BOC: variants seen among roughly 807,000 people sequenced by gnomAD.
BOC encodes brother of CDO.
BOC carries 76 observed loss-of-function variants against 112.0 expected under a neutral mutation model. The observed-to-expected ratio is 0.68, with a 90% confidence interval of 0.56 to 0.82. The LOEUF is 0.82. Among genes scored for constraint, BOC ranks in the 40% least tolerant of loss-of-function variants. The probability of loss-of-function intolerance (pLI) is 0.00; values close to 1 mark genes in which losing one functional copy is unlikely to be tolerated. For missense variants in BOC, 1,309 were observed against 1,511.7 expected (o/e 0.87, Z 2.22); for synonymous variants, 580 against 599.8 (o/e 0.97, Z 0.48).
rs1014928972 is a variant in BOC at position 113,280,067 on chromosome 3, G to A, written c.2205+62G>A. The A allele has an allele frequency of 1.1e-5, 16 of 1,496,802 alleles. No homozygotes were observed. In the African/African-American group the frequency reaches 1.8e-4, roughly 17 times the overall value. 92.7% of individuals were successfully genotyped at this position (1,496,802 alleles called of 1,614,324 possible). The stretch of plus-strand genomic sequence containing the variant: ...GCCTCCCCTAAATGCCCTTCCCTGT[G>A]AGCCTGGGGATTAGACTCCCCCGAA... On this transcript the variant is annotated intron_variant, in intron 13 of 19. Coordinates refer to ENST00000682979, the MANE Select transcript of BOC (RefSeq NM_001378074.1).
In BOC at chr3:113,274,302, C is replaced by A; in HGVS notation, c.1235-73C>A. ...TGCCTCTCTGTCTTCTTTCTGTTTT[C>A]TCCCCAGGAACAACAGCTCAGCAGG... On this transcript the variant is annotated intron_variant, in intron 8 of 19. Transcript: ENST00000682979. The surrounding 1 kb of genome is among the most constrained non-coding windows in gnomAD (Gnocchi z 4.8). 2 of 1,402,692 alleles carry A rather than the reference C, an allele frequency of 1.4e-6. No homozygotes were observed. The highest frequency in any genetic ancestry group is 1.9e-6 in the Non-Finnish European group (2 of 1,059,012). 86.9% of individuals were successfully genotyped at this position (1,402,692 alleles called of 1,614,324 possible). A position where few individuals can be genotyped will look rare whatever the true frequency, so the allele number is the denominator to read the frequency against.
chr3:113,237,559 G>C (rs1201094089), intron 2 of BOC, among the ~76,000 whole-genome samples: 2 of 152,182 alleles, frequency 1.3e-5, no homozygotes, highest in Non-Finnish European at 2.9e-5. Flanking sequence ...AAGATGAGAT[G>C]AGAAGGAAAA....
At chr3:113,284,590 C>T (rs752924332) in intron 17 of BOC, 23 bp downstream of exon 17, 24 of 1,597,092 alleles carry the variant, frequency 1.5e-5, no homozygotes, top group Middle Eastern at 1.7e-4. Flanking sequence ...TGGGTGTGGG[C>T]GGCAGGTATG....
intron 9 of BOC, among the ~76,000 whole-genome samples, chr3:113,276,385 A>C (rs1334818332): frequency 6.6e-6 from 1 of 151,812 alleles, no homozygotes; most frequent in Non-Finnish European, 1.5e-5. Flanking sequence ...GTGTGAGGCC[A>C]GTGCTGGGAG....
intron 4 of BOC, among the ~76,000 whole-genome samples, chr3:113,257,437 G>T (rs988568976): frequency 2.6e-5 from 4 of 152,088 alleles, no homozygotes; most frequent in Admixed American, 6.5e-5. Flanking sequence ...GATTCTCTTT[G>T]GCCACAGGTG....
intron 2 of BOC, among the ~76,000 whole-genome samples, chr3:113,222,258 A>G (rs546933168): frequency 6.6e-6 from 1 of 151,870 alleles, no homozygotes; most frequent in Admixed American, 6.6e-5. Flanking sequence ...CTAAAATAGA[A>G]CCGGGTTGGT....
chr3:113,272,505 A>G lies in BOC; in HGVS notation c.763A>G (p.Ser255Gly). 1 of 1,614,096 alleles carries G rather than the reference A, an allele frequency of 6.2e-7. No homozygotes were observed. The highest frequency in any genetic ancestry group is 8.5e-7 in the Non-Finnish European group (1 of 1,180,026). The change falls in exon 7 of 20, where the codon AGT becomes GGT. Residue 255 changes from serine (S) to glycine (G), a missense_variant. Coordinates refer to ENST00000682979, the MANE Select transcript of BOC (RefSeq NM_001378074.1). The stretch of plus-strand genomic sequence containing the variant: ...GAGTCTCATTCTGGAGTGTGTGGCC[A>G]GTGGAATCCCACCCCCACGGGTCAC... ...GQSLILECVASGIPPPRVTWA... is the reference protein window; with the variant it reads ...GQSLILECVAGGIPPPRVTWA...
At chr3:113,220,003 A>G (rs1940279382) in intron 2 of BOC, among the ~76,000 whole-genome samples, 1 of 151,344 alleles carries the variant, frequency 6.6e-6, no homozygotes, top group Admixed American at 6.6e-5. Context: ...AAGTCTGATC[A>G]AGCAGGTCCT....
intron 14 of BOC, 39 bp downstream of exon 14, chr3:113,280,702 T>C: frequency 2.0e-6 from 3 of 1,491,986 alleles, no homozygotes; most frequent in African/African-American, 1.4e-5. Context: ...CTGCGTGATA[T>C]AGTTTCCTCC....
Position 113,268,387 on chromosome 3 carries a change from C to T in BOC, c.465C>T (p.Ser155=). 6.2e-7 allele frequency: 1 copy of T among 1,614,140 alleles called. No homozygotes were observed. Among genetic ancestry groups the T allele is most frequent in the Non-Finnish European group, 8.5e-7 (1 of 1,180,008 alleles). Residue 155 remains serine (S), a synonymous_variant, in exon 5 of 20, where the codon AGC becomes AGT. Transcript: ENST00000682979. ...TCATTGCCTGCCACCTGCCTGAGAGCCACCCCAAAGCCCAGGTCCGGTACA... is the reference window on the plus strand; with the variant it reads ...TCATTGCCTGCCACCTGCCTGAGAGTCACCCCAAAGCCCAGGTCCGGTACA... ...TAVIACHLPE[S]HPKAQVRYSV... is the part of the protein sequence containing the mutation.
chr3:113,246,671 A>G (rs944873705), intron 2 of BOC, among the ~76,000 whole-genome samples: 3 of 148,268 alleles, frequency 2.0e-5, no homozygotes, highest in Non-Finnish European at 4.5e-5. Flanking sequence ...AAGCCCCCCA[A>G]CCTTCCCCAA....
chr3:113,273,181 G>GA lies in BOC; in HGVS notation c.1076dup (p.Asn359LysfsTer26). On this transcript the variant is annotated frameshift_variant, in exon 8 of 20. Transcript: ENST00000682979. LOFTEE classifies it high-confidence loss of function. The stretch of plus-strand genomic sequence containing the variant: ...CCCCGCCCTCCGTGCTGTGGCTGAG[G>GA]AATGCTGTGCCCCTCATCTCCAGCC... The GA allele has an allele frequency of 6.2e-7, 1 of 1,614,052 alleles. No homozygotes were observed. Among genetic ancestry groups the GA allele is most frequent in the Non-Finnish European group, 8.5e-7 (1 of 1,180,022 alleles).
chr3:113,273,096 C>T lies in BOC; in HGVS notation c.989C>T (p.Ser330Phe). 1 of 1,608,516 alleles carries T rather than the reference C, an allele frequency of 6.2e-7. No homozygotes were observed. The highest frequency in any genetic ancestry group is 1.3e-5 in the African/African-American group (1 of 74,928). ...CCCCCTGAGGTCACCATGGAGCTAT[C>T]CCAGCTGGTCATCCCCTGGGGCCAG... ...FEPPEVTMELSQLVIPWGQSA... is the reference protein window; with the variant it reads ...FEPPEVTMELFQLVIPWGQSA... The change falls in exon 8 of 20, where the codon TCC becomes TTC. Residue 330 changes from serine to phenylalanine, a missense_variant. Transcript: ENST00000682979.
Position 113,272,441 on chromosome 3 carries a change from C to T in BOC, c.699C>T (p.Tyr233=), listed in dbSNP as rs1179347138. 7 of 1,613,904 alleles carry T rather than the reference C, an allele frequency of 4.3e-6. No homozygotes were observed. The highest frequency in any genetic ancestry group is 2.2e-5 in the South Asian group (2 of 91,072). The stretch of plus-strand genomic sequence containing the variant: ...CCGCTGAGGCTGCCCGCATCATCTA[C>T]CCCCCAGAGGCCCAAACCATCATCG... The part of the protein sequence containing the change: ...RSTAEAARII[Y]PPEAQTIIVT... The change falls in exon 7 of 20, where the codon TAC becomes TAT. Residue 233 remains tyrosine, a synonymous_variant. Transcript: ENST00000682979.
At chr3:113,231,395 A>T (rs1248569856) in intron 2 of BOC, among the ~76,000 whole-genome samples, 1 of 152,186 alleles carries the variant, frequency 6.6e-6, no homozygotes, top group African/African-American at 2.4e-5. Context: ...TAACTTTTTT[A>T]AATTATAAAA....
At chr3:113,229,401 C>T (rs1165859507) in intron 2 of BOC, among the ~76,000 whole-genome samples, 1 of 152,204 alleles carries the variant, frequency 6.6e-6, no homozygotes, top group Non-Finnish European at 1.5e-5. Flanking sequence ...GCTTGGAAAA[C>T]ATCCCACCTC....
chr3:113,259,671 G>A (rs889066211), intron 4 of BOC, among the ~76,000 whole-genome samples: 2 of 152,142 alleles, frequency 1.3e-5, no homozygotes, highest in African/African-American at 4.8e-5. Context: ...AGAACAGTGA[G>A]TCTGTCCTGC....
At chr3:113,234,969 A>G (rs935117451) in intron 2 of BOC, among the ~76,000 whole-genome samples, 2 of 152,166 alleles carry the variant, frequency 1.3e-5, no homozygotes, top group Non-Finnish European at 2.9e-5. Flanking sequence ...AGCTGGAGTC[A>G]GTGTTCCAGT....
chr3:113,247,750 A>C (rs1229195260), intron 2 of BOC, among the ~76,000 whole-genome samples: 2 of 152,164 alleles, frequency 1.3e-5, no homozygotes, highest in African/African-American at 4.8e-5. Flanking sequence ...AGGCACCCCC[A>C]GCTTTCCACC....
Sources: allele counts gnomAD v4.1 joint callset (sites outside exome capture counted in the v4.1 genomes callset), GRCh38; gene constraint gnomAD v4.1.1; non-coding constraint Gnocchi (gnomAD v3.1); transcripts MANE v1.5; gene names NCBI Gene and HGNC (gene_info 2026-07-23, HGNC 2026-07-21).